The following PXDNL variants were observed in gnomAD, a reference collection of about 807,000 sequenced individuals.
The protein encoded by PXDNL is peroxidasin like, also known as probable oxidoreductase PXDNL.
PXDNL carries 145 observed loss-of-function variants against 150.8 expected under a neutral mutation model. The ratio of observed to expected loss-of-function variants is 0.96; its 90% CI spans 0.84 to 1.10. PXDNL has a LOEUF of 1.10. PXDNL is among the 50% of genes least tolerant of loss of function. The probability of loss-of-function intolerance (pLI) is 0.00; values close to 1 mark genes in which losing one functional copy is unlikely to be tolerated. For synonymous variants in PXDNL, 757 were observed against 725.7 expected (o/e 1.04, Z -0.69); for missense variants, 2,087 against 1,873.9 (o/e 1.11, Z -2.10).
At chr8:51,598,686 T>C (rs908740948) in intron 2 of PXDNL, among the ~76,000 whole-genome samples, 1 of 152,118 alleles carries the variant, frequency 6.6e-6, no homozygotes, top group African/African-American at 2.4e-5. Flanking sequence ...ATCAGGGATA[T>C]TGGCCTGTAG....
At chr8:51,389,533 T>C (rs1394687131) in intron 17 of PXDNL, among the ~76,000 whole-genome samples, 1 of 152,148 alleles carries the variant, frequency 6.6e-6, no homozygotes, top group African/African-American at 2.4e-5. Flanking sequence ...ACTAGGTGGA[T>C]TCTGTATCCC....
intron 8 of PXDNL, among the ~76,000 whole-genome samples, chr8:51,471,972 G>A (rs1270526870): frequency 2.4e-4 from 36 of 152,168 alleles, no homozygotes; most frequent in Non-Finnish European, 4.4e-5. Context: ...TTACAGGCAT[G>A]AGCCACCGCG....
chr8:51,409,539 CACCAAGTCATTGT>C lies in PXDNL; in HGVS notation c.2072_2084del (p.Tyr691CysfsTer52), dbSNP rs1563399445. The C allele has an allele frequency of 6.3e-7, 1 of 1,591,108 alleles. No homozygotes were observed. The highest frequency in any genetic ancestry group is 1.8e-5 in the Admixed American group (1 of 56,836). ...CGATGAGGCTGAGGGAGCGCGGGGA[CACCAAGTCATTGT>C]ACCGGAATTCTGAAAGGCAAGCGGC... is the stretch of plus-strand genomic sequence containing the variant. On this transcript the variant is annotated frameshift_variant, in exon 17 of 23. Transcript: ENST00000356297. LOFTEE classifies it high-confidence loss of function.
Position 51,474,953 on chromosome 8 carries a change from C to T in PXDNL, c.694+19G>A, listed in dbSNP as rs1393244771. On this transcript the variant is annotated intron_variant, in intron 7 of 22. Coordinates refer to ENST00000356297, the MANE Select transcript of PXDNL (RefSeq NM_144651.5). ...ATGAGAGACAGTTCTATCTTATGTA[C>T]ACATTGAAATTTACGTACGGCAATT... 3.8e-6 allele frequency: 6 copies of T among 1,562,136 alleles called. No homozygotes were observed. Among genetic ancestry groups the T allele is most frequent in the Non-Finnish European group, 5.2e-6 (6 of 1,150,940 alleles).
intron 4 of PXDNL, among the ~76,000 whole-genome samples, chr8:51,538,661 G>A (rs1812142991): frequency 1.3e-5 from 2 of 152,090 alleles, no homozygotes; most frequent in African/African-American, 4.8e-5. Context: ...CAGCTACTCA[G>A]GAGGCTGAGG....
chr8:51,447,137 C>A lies in PXDNL; in HGVS notation c.1392G>T (p.Gln464His). 1 of 1,613,886 alleles carries A rather than the reference C, an allele frequency of 6.2e-7. No individual in the cohort carries two copies. The highest frequency in any genetic ancestry group is 8.5e-7 in the Non-Finnish European group (1 of 1,179,836). Reference protein sequence around the residue: ...KTGGQLPVEGQHTVLSSGTLR... With the variant: ...KTGGQLPVEGHHTVLSSGTLR... ...AAGTGCCAGAGGAGAGAACTGTATG[C>A]TGGCCTTCCACAGGGAGCTGCCCTC... Residue 464 changes from glutamine to histidine, a missense_variant, in exon 12 of 23, where the codon CAG becomes CAT. Physicochemically the swap from Gln to His is conservative, Grantham distance 24. Coordinates refer to ENST00000356297, the MANE Select transcript of PXDNL (RefSeq NM_144651.5).
At chr8:51,493,139 TG>T (rs1810940597) in intron 5 of PXDNL, among the ~76,000 whole-genome samples, 6 of 152,222 alleles carry the variant, frequency 3.9e-5, no homozygotes, top group Admixed American at 3.9e-4. Flanking sequence ...TCCACTGTTC[TG>T]CAGACTGCGC....
chr8:51,732,282 GCAAAATGCCAC>G, intron 1 of PXDNL, among the ~76,000 whole-genome samples: 1 of 152,254 alleles, frequency 6.6e-6, no homozygotes, highest in Middle Eastern at 3.4e-3. Context: ...TAGGACAAGG[GCAAAATGCCAC>G]CAGACTCTTT....
intron 1 of PXDNL, among the ~76,000 whole-genome samples, chr8:51,666,555 A>G (rs930058299): frequency 2.6e-5 from 4 of 152,072 alleles, no homozygotes; most frequent in African/African-American, 9.7e-5. Context: ...TCATCTACCC[A>G]TTTGACCTCT....
intron 1 of PXDNL, among the ~76,000 whole-genome samples, chr8:51,744,427 G>C (rs1357206685): frequency 2.6e-5 from 4 of 151,284 alleles, no homozygotes; most frequent in Non-Finnish European, 5.9e-5. Flanking sequence ...CAACACTTTG[G>C]GAGGCCGAGG....
intron 8 of PXDNL, among the ~76,000 whole-genome samples, chr8:51,470,246 A>T (rs919560038): frequency 2.0e-5 from 3 of 152,136 alleles, no homozygotes; most frequent in African/African-American, 7.2e-5. Context: ...GCTAGTTTCC[A>T]GATTTAATAG....
At chr8:51,568,106 A>G (rs1812862551) in intron 3 of PXDNL, among the ~76,000 whole-genome samples, 1 of 151,730 alleles carries the variant, frequency 6.6e-6, no homozygotes, top group Non-Finnish European at 1.5e-5. Context: ...TACCAAATTT[A>G]TTGTATTTAT....
intron 12 of PXDNL, among the ~76,000 whole-genome samples, chr8:51,442,112 T>C (rs1046975427): frequency 2.0e-5 from 3 of 152,098 alleles, no homozygotes; most frequent in African/African-American, 4.8e-5. Context: ...TCCATATGTC[T>C]ACTGAGTTAT....
chr8:51,398,677 C>T (rs1420810532), intron 17 of PXDNL, among the ~76,000 whole-genome samples: 1 of 152,160 alleles, frequency 6.6e-6, no homozygotes, highest in Admixed American at 6.5e-5. Flanking sequence ...TACATTCCCA[C>T]CCAAATGAAG....
At chr8:51,453,415 T>C in intron 10 of PXDNL, 104 bp downstream of exon 10, 1 of 1,193,288 alleles carries the variant, frequency 8.4e-7, no homozygotes, top group Non-Finnish European at 1.2e-6. Flanking sequence ...AATTGGCAAA[T>C]AAAAATATTT....
rs1207548107 is a variant in PXDNL, at chr8:51,744,228, G to A, written c.164+64953C>T. On this transcript the variant is annotated intron_variant, in intron 1 of 22. Coordinates refer to ENST00000356297, the MANE Select transcript of PXDNL (RefSeq NM_144651.5). ...GAAAAGAAAGGAAGGAAGGGAAGAA[G>A]AGAAAGAAAGAAAAGAGAGGAAAAG... Among the ~76,000 whole-genome samples the A allele has an allele frequency of 3.0e-5, 4 of 135,376 alleles. No individual in the cohort carries two copies. The East Asian group carries it at 8.7e-4, about 30-fold the overall frequency. 88.8% of individuals were successfully genotyped at this position (135,376 alleles called of 152,430 possible).
At chr8:51,601,535 T>C (rs577239551) in intron 2 of PXDNL, among the ~76,000 whole-genome samples, 1 of 152,044 alleles carries the variant, frequency 6.6e-6, no homozygotes, top group Non-Finnish European at 1.5e-5. Flanking sequence ...GATATAAGAA[T>C]AGCAACTCCT....
At chr8:51,662,306 T>G (rs1021652680) in intron 1 of PXDNL, among the ~76,000 whole-genome samples, 1 of 150,286 alleles carries the variant, frequency 6.7e-6, no homozygotes, top group African/African-American at 2.5e-5. Flanking sequence ...GATCACAAGG[T>G]CAAGAGTTCG....
rs561313772 is a variant in PXDNL at position 51,438,286 on chromosome 8, T to C, written c.1525+8718A>G. ...TGCAATTCCCATCAAAATACCACCA[T>C]CATTCTTCACAGAACTAAAAAAAGC... On this transcript the variant is annotated intron_variant, in intron 12 of 22. Transcript: ENST00000356297. 2.6e-5 allele frequency among the ~76,000 whole-genome samples: 4 copies of C among 152,036 alleles called. No individual in the cohort carries two copies. The South Asian group carries it at 8.3e-4, about 32-fold the overall frequency.
Sources: gnomAD v4.1 joint callset for allele counts (sites outside exome capture counted in the v4.1 genomes callset) on GRCh38, gnomAD v4.1.1 for gene constraint, MANE v1.5 for transcripts, NCBI Gene and HGNC (gene_info 2026-07-23, HGNC 2026-07-21) for gene names.